The following ANKS1B variants were observed in gnomAD, a reference collection of about 807,000 sequenced individuals.
ANKS1B encodes ankyrin repeat and sterile alpha motif domain-containing protein 1B.
In ANKS1B, 36 loss-of-function variants were observed where a neutral mutation model predicts 148.3. The ratio of observed to expected loss-of-function variants is 0.24; its 90% CI spans 0.19 to 0.32. The LOEUF (loss-of-function observed/expected upper bound fraction) is 0.32, where lower values mean the gene tolerates loss of function less well. Among genes scored for constraint, ANKS1B ranks in the 10% least tolerant of loss-of-function variants. ANKS1B has a pLI of 1.00. For missense variants in ANKS1B, 1,157 were observed against 1,542.6 expected (o/e 0.75, Z 4.19); for synonymous variants, 542 against 560.8 (o/e 0.97, Z 0.47).
chr12:98,829,312 T>C lies in ANKS1B; in HGVS notation c.2928A>G (p.Ser976=). The change falls in exon 19 of 27, where the codon TCA becomes TCG. Residue 976 remains serine (S), a synonymous_variant. Transcript: ENST00000683438. This position sits in a 1 kb window ranked among gnomAD's most constrained non-coding sequence, Gnocchi z 5.2. ...CAGTGGTGTAAGTGCTTTGGCTAAG[T>C]GATGGAGACAACTGAGGAGGAGTGT... The part of the protein sequence containing the change: ...GNHTPPQLSP[S]LSQSTYTTGG... 6.2e-7 allele frequency: 1 copy of C among 1,614,012 alleles called. No individual in the cohort carries two copies. Among genetic ancestry groups the C allele is most frequent in the Non-Finnish European group, 8.5e-7 (1 of 1,179,886 alleles).
chr12:99,374,456 G>A (rs1044702766), intron 12 of ANKS1B, among the ~76,000 whole-genome samples: 1 of 152,158 alleles, frequency 6.6e-6, no homozygotes, highest in Non-Finnish European at 1.5e-5. Context: ...ACCCCGTGAA[G>A]GGACAGCATC....
At chr12:99,617,473 C>A (rs924930030) in intron 9 of ANKS1B, among the ~76,000 whole-genome samples, 5 of 151,606 alleles carry the variant, frequency 3.3e-5, no homozygotes, top group African/African-American at 1.2e-4. Flanking sequence ...AAAATGAGTT[C>A]TTGTCCTTTG....
chr12:99,246,319 C>G lies in ANKS1B; in HGVS notation c.2302G>C (p.Gly768Arg). ...AAGGATGGTGTTCTTTCAGAATTCC[C>G]TTTAGAACTGTGTTCAGCAGTGGAA... ...ESSTAEHSSKGNSERTPSFTS... is the reference protein window; with the variant it reads ...ESSTAEHSSKRNSERTPSFTS... The change falls in exon 13 of 27, where the codon GGG (glycine) becomes CGG (arginine). Residue 768 changes from glycine (G) to arginine (R), a missense_variant. Around this residue, in one of 6 missense-constraint regions of ANKS1B, gnomAD observed 661 missense variants for 642.1 expected, o/e 1.03. Coordinates refer to ENST00000683438, the MANE Select transcript of ANKS1B (RefSeq NM_001352186.2). 6.2e-7 allele frequency: 1 copy of G among 1,608,712 alleles called. No individual in the cohort carries two copies. Among genetic ancestry groups the G allele is most frequent in the Non-Finnish European group, 8.5e-7 (1 of 1,177,740 alleles).
chr12:99,828,142 T>C (rs1414500045), intron 1 of ANKS1B, among the ~76,000 whole-genome samples: 2 of 152,094 alleles, frequency 1.3e-5, no homozygotes, highest in Admixed American at 6.5e-5. Context: ...TACTACGACA[T>C]TGGTTGAAAA....
At chr12:99,827,195 C>T (rs959545848) in intron 1 of ANKS1B, among the ~76,000 whole-genome samples, 2 of 151,866 alleles carry the variant, frequency 1.3e-5, no homozygotes, top group East Asian at 1.9e-4. Flanking sequence ...GATATATATA[C>T]ATACAATAAA....
intron 17 of ANKS1B, among the ~76,000 whole-genome samples, chr12:98,915,715 G>A (rs1479171536): frequency 6.6e-6 from 1 of 152,102 alleles, no homozygotes; most frequent in East Asian, 1.9e-4. Context: ...TACAGCCCTA[G>A]CAAACTAATA....
At chr12:99,649,160 T>TA in intron 9 of ANKS1B, 2 of 759,984 alleles carry the variant, frequency 2.6e-6, no homozygotes, top group South Asian at 3.2e-5. Context: ...AATTGCCACT[T>TA]ATATACATTG....
intron 14 of ANKS1B, among the ~76,000 whole-genome samples, chr12:99,206,298 C>T (rs1012721148): frequency 1.3e-5 from 2 of 151,928 alleles, no homozygotes; most frequent in African/African-American, 2.4e-5. Context: ...TTTATTAGGC[C>T]CCGGAAGCTT....
rs1037808514 is a variant in ANKS1B, at chr12:99,399,897, A to T, written c.1576-86T>A. ...CCCCATCAATTTAATCTAAGTGATA[A>T]TTTTTTTCAGTTAAAAACTATCTGG... On this transcript the variant is annotated intron_variant, in intron 11 of 26. Coordinates refer to ENST00000683438, the MANE Select transcript of ANKS1B (RefSeq NM_001352186.2). The T allele has an allele frequency of 4.5e-5, 63 of 1,384,980 alleles. No homozygotes were observed. The South Asian group carries it at 7.4e-4, about 16-fold the overall frequency. The allele number at this position is 1,384,980 out of a possible 1,614,324, so 85.8% of individuals were successfully genotyped here.
chr12:99,511,887 C>T (rs533488338), intron 9 of ANKS1B, among the ~76,000 whole-genome samples: 10 of 152,134 alleles, frequency 6.6e-5, no homozygotes, highest in Admixed American at 1.3e-4. Context: ...TGGACCCCTT[C>T]CCTACACCTT....
At chr12:99,768,172 G>T (rs2062832040) in intron 8 of ANKS1B, among the ~76,000 whole-genome samples, 4 of 152,126 alleles carry the variant, frequency 2.6e-5, no homozygotes, top group South Asian at 2.1e-4. Flanking sequence ...AATAACTTTT[G>T]GAATTACTTG....
intron 12 of ANKS1B, among the ~76,000 whole-genome samples, chr12:99,295,529 A>G (rs1012222088): frequency 6.6e-6 from 1 of 152,226 alleles, no homozygotes; most frequent in Non-Finnish European, 1.5e-5. Flanking sequence ...AATGTTTTTC[A>G]GAAAGCTGAA....
intron 1 of ANKS1B, among the ~76,000 whole-genome samples, chr12:99,907,039 T>C (rs1481170058): frequency 6.6e-6 from 1 of 152,110 alleles, no homozygotes; most frequent in African/African-American, 2.4e-5. Context: ...CAGTCAAGTA[T>C]CCAGGCAAGG....
rs1050214156 is a variant in ANKS1B at position 99,203,474 on chromosome 12, G to A, written c.2419+40868C>T. 5.4e-4 allele frequency among the ~76,000 whole-genome samples: 79 copies of A among 146,202 alleles called. 1 individual carries two copies. The highest frequency in any genetic ancestry group is 1.8e-3 in the African/African-American group (71 of 39,296). On this transcript the variant is annotated intron_variant, in intron 14 of 26. Transcript: ENST00000683438. ...CTTTCTTTTTTTTTTTTTTTGAGAC[G>A]GAGTCTCACTCTGTTGCCCAGGCTG... is the stretch of plus-strand genomic sequence containing the variant.
chr12:98,822,039 C>G (rs532144436), intron 19 of ANKS1B, among the ~76,000 whole-genome samples: 1 of 151,576 alleles, frequency 6.6e-6, no homozygotes, highest in African/African-American at 2.4e-5. Flanking sequence ...AGAGCCAACA[C>G]AGAGGACAGC....
At chr12:98,839,181 A>G (rs2099391799) in intron 17 of ANKS1B, among the ~76,000 whole-genome samples, 1 of 152,232 alleles carries the variant, frequency 6.6e-6, no homozygotes, top group Admixed American at 6.5e-5. Flanking sequence ...GAGTTGTAAT[A>G]TAAAGGGGAC....
intron 17 of ANKS1B, among the ~76,000 whole-genome samples, chr12:98,873,820 G>C (rs1029842984): frequency 6.6e-6 from 1 of 152,172 alleles, no homozygotes; most frequent in Non-Finnish European, 1.5e-5. Flanking sequence ...TGAGCAAATG[G>C]GAAATAAGCA....
chr12:99,385,008 G>T (rs1259425282), intron 12 of ANKS1B, among the ~76,000 whole-genome samples: 3 of 152,140 alleles, frequency 2.0e-5, no homozygotes, highest in African/African-American at 7.2e-5. Flanking sequence ...TTTTTGTTCA[G>T]TGTTTACAGT....
At chr12:99,060,774 A>G (rs1278577968) in intron 16 of ANKS1B, among the ~76,000 whole-genome samples, 1 of 151,956 alleles carries the variant, frequency 6.6e-6, no homozygotes, top group Non-Finnish European at 1.5e-5. Context: ...TTCTGTGCAG[A>G]TAAGGATAAT....
Sources: gnomAD v4.1 joint callset for allele counts (sites outside exome capture counted in the v4.1 genomes callset) on GRCh38, gnomAD v4.1.1 for gene constraint, gnomAD v4.1.1 regional missense constraint, Gnocchi (gnomAD v3.1) non-coding constraint, MANE v1.5 for transcripts, NCBI Gene and HGNC (gene_info 2026-07-23, HGNC 2026-07-21) for gene names.